The following MED14 variants were observed in gnomAD, a reference collection of about 807,000 sequenced individuals.
The protein encoded by MED14 is mediator complex subunit 14.
MED14 carries 8 observed loss-of-function variants against 109.0 expected under a neutral mutation model. That is an observed-to-expected ratio of 0.07 (90% CI 0.04 to 0.13). The LOEUF (loss-of-function observed/expected upper bound fraction) is 0.13. MED14 is among the 10% of genes least tolerant of loss of function. MED14 has a pLI of 1.00. For missense variants in MED14, 711 were observed against 1,142.4 expected, an observed-to-expected ratio of 0.62 and a Z score of 5.44; for synonymous variants, 399 against 408.7, an observed-to-expected ratio of 0.98 and a Z score of 0.29.
At chrX:40,686,124 T>C (rs1413685735) in intron 16 of MED14, among the ~76,000 whole-genome samples, 1 of 111,690 alleles carries the variant, frequency 9.0e-6, no homozygotes, top group Non-Finnish European at 1.9e-5. Flanking sequence ...CTTTAACATA[T>C]CCGTTTATGT....
chrX:40,660,461 A>C, intron 26 of MED14, among the ~76,000 whole-genome samples: 1 of 112,325 alleles, frequency 8.9e-6, no homozygotes, highest in South Asian at 3.7e-4. Context: ...GTAAAGTGTT[A>C]TATAGAAAAA....
chrX:40,679,165 T>A (rs1028207545), intron 21 of MED14, among the ~76,000 whole-genome samples: 4 of 112,184 alleles, frequency 3.6e-5, no homozygotes, highest in African/African-American at 1.3e-4. Context: ...AGGCACAGGT[T>A]ACTGTGATTC....
intron 10 of MED14, among the ~76,000 whole-genome samples, chrX:40,706,469 T>C (rs917878400): frequency 9.0e-6 from 1 of 111,350 alleles, no homozygotes; most frequent in East Asian, 2.8e-4. Flanking sequence ...TGAAAACCAC[T>C]GGTGTAGCAC....
At position 40,648,367 on chromosome X, in the gene MED14, T is replaced by C. The variant is rs185023480; in HGVS notation, c.*3439A>G. 4.5e-5 allele frequency: 5 copies of C among 111,746 alleles called. No homozygotes were observed. The highest frequency in any genetic ancestry group is 7.5e-5 in the Non-Finnish European group (4 of 53,135). 9.2% of individuals were successfully genotyped at this position (111,746 alleles called of 1,213,427 possible). The stretch of plus-strand genomic sequence containing the variant: ...GAAAACATGTCAAAATTGTGTGTAG[T>C]TAAAAGCCTCTGAGGAAAGAGTCTA... On this transcript the variant is annotated 3_prime_UTR_variant, in exon 31 of 31. Coordinates refer to ENST00000324817, the MANE Select transcript of MED14 (RefSeq NM_004229.4).
At chrX:40,678,422 G>A (rs1304314368) in intron 21 of MED14, among the ~76,000 whole-genome samples, 2 of 111,720 alleles carry the variant, frequency 1.8e-5, no homozygotes, top group African/African-American at 3.3e-5. Flanking sequence ...ATAAAATGTT[G>A]AGCAAGACAG....
Position 40,692,724 on chromosome X carries a change from G to C in MED14, c.1829C>G (p.Thr610Ser), listed in dbSNP as rs778106136. The change falls in exon 14 of 31, where the codon ACC becomes AGC. Residue 610 changes from threonine to serine, a missense_variant. Around this residue, in one of 8 missense-constraint regions of MED14, gnomAD observed 388 missense variants for 517.3 expected, o/e 0.75. Transcript: ENST00000324817. ...GAATCATACCTTGCGCTTGGCATTG[G>C]TTCTGGTCTGTTTCCCGGTTTTTGT... The part of the protein sequence containing the change: ...FRTKTGKQTR[T>S]NAKRKLSDDP... The C allele has an allele frequency of 2.5e-6, 3 of 1,208,216 alleles. No homozygotes were observed. The highest frequency in any genetic ancestry group is 2.2e-6 in the Non-Finnish European group (2 of 894,593).
chrX:40,676,209 G>C (rs556018115), intron 21 of MED14, among the ~76,000 whole-genome samples: 1 of 111,722 alleles, frequency 9.0e-6, no homozygotes, highest in East Asian at 2.8e-4. Flanking sequence ...GCTTGAGCCC[G>C]GGAAGTTGAG....
rs1180419987 is a variant in MED14, at chrX:40,664,447, C to G, written c.3308G>C (p.Ser1103Thr). 1 of 1,176,023 alleles carries G rather than the reference C, an allele frequency of 8.5e-7. No homozygotes were observed. Among genetic ancestry groups the G allele is most frequent in the Non-Finnish European group, 1.1e-6 (1 of 878,823 alleles). ...TCCTGGCCAGTTCCCTGCTCGTCCA[C>G]TTGGTGACACCATAGTGTATGGGGA... is the stretch of plus-strand genomic sequence containing the variant. ...PSSPYTMVSP[S>T]GRAGNWPGSP... Residue 1103 changes from serine to threonine, a missense_variant, in exon 25 of 31, where the codon AGT (serine) becomes ACT (threonine). This residue lies in a region of MED14 where 100 missense variants were observed against 147.5 expected (regional missense o/e 0.68). Coordinates refer to ENST00000324817, the MANE Select transcript of MED14 (RefSeq NM_004229.4).
chrX:40,725,880 A>C (rs1050913411), intron 3 of MED14, among the ~76,000 whole-genome samples: 1 of 111,935 alleles, frequency 8.9e-6, no homozygotes, highest in South Asian at 3.6e-4. Context: ...TTGGAAAGGA[A>C]GAAGTCAAAT....
intron 21 of MED14, among the ~76,000 whole-genome samples, chrX:40,676,545 C>T (rs1053155786): frequency 2.0e-4 from 22 of 111,857 alleles, no homozygotes; most frequent in African/African-American, 6.8e-4. Flanking sequence ...TATTTCCATC[C>T]AGATCCCTGA....
At chrX:40,699,475 C>T (rs941844779) in intron 12 of MED14, among the ~76,000 whole-genome samples, 2 of 111,774 alleles carry the variant, frequency 1.8e-5, no homozygotes, top group African/African-American at 6.5e-5. Context: ...GGTCATTCAC[C>T]ACAAATCATC....
chrX:40,679,804 A>C lies in MED14; in HGVS notation c.2880+60T>G, dbSNP rs1377534884. The C allele has an allele frequency of 2.3e-5, 25 of 1,105,972 alleles. No homozygotes were observed. The South Asian group carries it at 5.2e-4, about 23-fold the overall frequency. 91.1% of individuals were successfully genotyped at this position (1,105,972 alleles called of 1,213,427 possible). A position where few individuals can be genotyped will look rare whatever the true frequency, so the allele number is the denominator to read the frequency against. On this transcript the variant is annotated intron_variant, in intron 21 of 30. Coordinates refer to ENST00000324817, the MANE Select transcript of MED14 (RefSeq NM_004229.4). Reference sequence around the variant, plus strand: ...CTTTTCCCCATTATTTCCCCCTCAAAGAAACTATTTTAGAGATAATTTTTA... The same window carrying C: ...CTTTTCCCCATTATTTCCCCCTCAACGAAACTATTTTAGAGATAATTTTTA...
At position 40,649,044 on chromosome X, in the gene MED14, T is replaced by TAA. The variant is rs1035170863; in HGVS notation, c.*2760_*2761dup. 1 of 112,356 alleles carries TAA rather than the reference T, an allele frequency of 8.9e-6. No homozygotes were observed. The highest frequency in any genetic ancestry group is 3.2e-5 in the African/African-American group (1 of 30,888). The allele number at this position is 112,356 out of a possible 1,213,427, so 9.3% of individuals were successfully genotyped here. A position where few individuals can be genotyped will look rare whatever the true frequency, so the allele number is the denominator to read the frequency against. On this transcript the variant is annotated 3_prime_UTR_variant, in exon 31 of 31. Coordinates refer to ENST00000324817, the MANE Select transcript of MED14 (RefSeq NM_004229.4). ...ATATCAAGAACACTTGGATGATAAA[T>TAA]AAACATTAAGGTAAAATGTAATAGG...
At chrX:40,659,374 T>A (rs1257993503) in intron 27 of MED14, 40 bp from the exon 28 acceptor site, 2 of 1,178,204 alleles carry the variant, frequency 1.7e-6, no homozygotes, top group Admixed American at 4.5e-5. Context: ...TCATTCTACA[T>A]TAATGCTTCT....
chrX:40,676,869 C>T (rs67022581), intron 21 of MED14, among the ~76,000 whole-genome samples: 30,943 of 111,208 alleles, frequency 0.28, 3,956 homozygotes, highest in African/African-American at 0.51. Context: ...CTGTTAAGCT[C>T]GTGGAACTGT....
At chrX:40,700,042 G>A (rs908455269) in intron 12 of MED14, among the ~76,000 whole-genome samples, 31 of 110,791 alleles carry the variant, frequency 2.8e-4, no homozygotes, top group Non-Finnish European at 4.2e-4. Flanking sequence ...CCAGCCATTC[G>A]GAAGACTGAG....
intron 26 of MED14, among the ~76,000 whole-genome samples, chrX:40,661,274 G>C (rs140447275): frequency 9.1e-4 from 102 of 111,963 alleles, no homozygotes; most frequent in African/African-American, 3.2e-3. Flanking sequence ...TAGAGATGGG[G>C]TTTCACCATG....
chrX:40,706,431 C>T (rs947796086), intron 10 of MED14, among the ~76,000 whole-genome samples: 1 of 111,065 alleles, frequency 9.0e-6, no homozygotes, highest in Non-Finnish European at 1.9e-5. Flanking sequence ...TTCTCTAACA[C>T]CTGGGACTCT....
chrX:40,671,166 C>T (rs1437365804), intron 23 of MED14, among the ~76,000 whole-genome samples: 1 of 111,783 alleles, frequency 8.9e-6, no homozygotes, highest in African/African-American at 3.3e-5. Context: ...ATCTGATGAC[C>T]TAGCTTCCTC....
Sources: allele counts gnomAD v4.1 joint callset (sites outside exome capture counted in the v4.1 genomes callset), GRCh38; gene constraint gnomAD v4.1.1; regional missense constraint gnomAD v4.1.1; transcripts MANE v1.5; gene names NCBI Gene and HGNC (gene_info 2026-07-23, HGNC 2026-07-21).